PLEKHA7: variants seen among roughly 807,000 people sequenced by gnomAD.
PLEKHA7 encodes the protein pleckstrin homology domain containing A7.
PLEKHA7 carries 104 observed loss-of-function variants against 170.0 expected under a neutral mutation model. The observed-to-expected ratio is 0.61, with a 90% confidence interval of 0.52 to 0.72. The LOEUF is 0.72. PLEKHA7 is among the 30% of genes least tolerant of loss of function. The pLI is 0.00. For missense variants in PLEKHA7, 1,615 were observed against 1,671.7 expected (o/e 0.97, Z 0.59); for synonymous variants, 648 against 660.8 (o/e 0.98, Z 0.30).
intron 3 of PLEKHA7, among the ~76,000 whole-genome samples, chr11:16,997,170 C>T (rs1033785622): frequency 1.1e-4 from 16 of 152,100 alleles, no homozygotes; most frequent in Admixed American, 5.9e-4. Flanking sequence ...CTCCCATCAC[C>T]ACCCCTCTAA....
At chr11:16,814,362 G>C (rs985474684) in intron 12 of PLEKHA7, among the ~76,000 whole-genome samples, 1 of 152,138 alleles carries the variant, frequency 6.6e-6, no homozygotes, top group African/African-American at 2.4e-5. Flanking sequence ...ACAGAACAAG[G>C]AAGGAAGGTA....
chr11:16,893,020 G>A (rs943141844), intron 3 of PLEKHA7, among the ~76,000 whole-genome samples: 4 of 152,104 alleles, frequency 2.6e-5, no homozygotes, highest in African/African-American at 9.7e-5. Context: ...ATTCATGAGG[G>A]CTCGACCCTT....
At chr11:16,942,102 G>C (rs1860735775) in intron 3 of PLEKHA7, among the ~76,000 whole-genome samples, 1 of 152,176 alleles carries the variant, frequency 6.6e-6, no homozygotes. Context: ...GTTCTATGAA[G>C]CCCATTTTAC....
chr11:16,852,102 G>A (rs1853017485), intron 7 of PLEKHA7, among the ~76,000 whole-genome samples, 181 bp downstream of exon 7: 1 of 152,144 alleles, frequency 6.6e-6, no homozygotes, highest in African/African-American at 2.4e-5. Context: ...GTCCCAAATG[G>A]GACAGAAACG....
intron 3 of PLEKHA7, among the ~76,000 whole-genome samples, chr11:16,990,864 G>A (rs959151831): frequency 4.6e-5 from 7 of 152,200 alleles, no homozygotes; most frequent in African/African-American, 1.7e-4. Flanking sequence ...AGACCCTCAG[G>A]AGCATGGATG....
Position 16,789,445 on chromosome 11 carries a change from C to T in PLEKHA7, c.3157-149G>A. On this transcript the variant is annotated intron_variant, in intron 22 of 26. Coordinates refer to ENST00000531066, the MANE Select transcript of PLEKHA7 (RefSeq NM_001329630.2). This position sits in a 1 kb window ranked among gnomAD's most constrained non-coding sequence, Gnocchi z 4.6. ...TCCTCTTGGCCTTAGAGAACTATTT[C>T]CTCTAAGCAACACGATGCCCCCAAC... The T allele has an allele frequency of 1.4e-6, 1 of 735,396 alleles. No individual in the cohort carries two copies. The highest frequency in any genetic ancestry group is 2.7e-5 in the East Asian group (1 of 37,374). The allele number at this position is 735,396 out of a possible 1,614,324, so 45.6% of individuals were successfully genotyped here.
chr11:16,850,654 A>AG (rs2135407172), intron 8 of PLEKHA7, among the ~76,000 whole-genome samples: 1 of 152,354 alleles, frequency 6.6e-6, no homozygotes, highest in Admixed American at 6.5e-5. Context: ...ACACAGACCA[A>AG]GTAGGAAAGG....
chr11:16,883,182 T>C (rs1855837700), intron 3 of PLEKHA7, among the ~76,000 whole-genome samples: 1 of 152,188 alleles, frequency 6.6e-6, no homozygotes, highest in South Asian at 2.1e-4. Flanking sequence ...GGAGATACAC[T>C]GGCTTTGGAG....
At position 16,817,027 on chromosome 11, in the gene PLEKHA7, C is replaced by G. The variant is rs1255873135; in HGVS notation, c.1639G>C (p.Glu547Gln). The change falls in exon 11 of 27, where the codon GAG becomes CAG. Residue 547 changes from glutamate (E) to glutamine (Q), a missense_variant. By Grantham distance (29) the Glu-to-Gln change is conservative. Coordinates refer to ENST00000531066, the MANE Select transcript of PLEKHA7 (RefSeq NM_001329630.2). The surrounding 1 kb of genome is among the most constrained non-coding windows in gnomAD (Gnocchi z 4.4). ...PTAPICLGSP[E>Q]FTDQGRSRSM... The stretch of plus-strand genomic sequence containing the variant: ...CTGCTCCGGCCCTGGTCGGTGAACT[C>G]TGGGGAGCCAAGGCAGATGGGCGCT... The G allele has an allele frequency of 6.2e-7, 1 of 1,605,092 alleles. No homozygotes were observed. Among genetic ancestry groups the G allele is most frequent in the Non-Finnish European group, 8.5e-7 (1 of 1,174,716 alleles).
Position 16,935,755 on chromosome 11 carries a change from C to T in PLEKHA7, c.222-64573G>A, listed in dbSNP as rs547565614. On this transcript the variant is annotated intron_variant, in intron 3 of 26. Transcript: ENST00000531066. ...AATTATTCAGATCCCCATGTGCAAG[C>T]AGCACATGTTTTTGAGGCTCATTCT... Among the ~76,000 whole-genome samples, 20 of 152,324 alleles carry T rather than the reference C, an allele frequency of 1.3e-4. No homozygotes were observed. In the South Asian group the frequency reaches 4.1e-3, roughly 32 times the overall value.
chr11:16,986,603 C>T (rs1485264790), intron 3 of PLEKHA7, among the ~76,000 whole-genome samples: 1 of 152,188 alleles, frequency 6.6e-6, no homozygotes, highest in Non-Finnish European at 1.5e-5. Flanking sequence ...ATTTATTTCA[C>T]TTTCACTTTG....
intron 4 of PLEKHA7, among the ~76,000 whole-genome samples, chr11:16,869,076 T>G (rs1407719950): frequency 3.3e-5 from 5 of 152,224 alleles, no homozygotes; most frequent in African/African-American, 1.2e-4. Context: ...CAAGAGCTTC[T>G]GACCTTCAGG....
At chr11:16,807,396 G>A (rs1378742282) in intron 13 of PLEKHA7, among the ~76,000 whole-genome samples, 1 of 152,222 alleles carries the variant, frequency 6.6e-6, no homozygotes, top group Middle Eastern at 3.4e-3. Flanking sequence ...CCATGGGACC[G>A]TGGATGCTCC....
Position 16,887,982 on chromosome 11 carries a change from G to A in PLEKHA7, c.222-16800C>T, listed in dbSNP as rs561127882. On this transcript the variant is annotated intron_variant, in intron 3 of 26. Transcript: ENST00000531066. ...TGCCCGGCCGCCCATCGTCTGAGAT[G>A]TGGGGAGCACCTCTGCCCCGCCGCC... 2.0e-5 allele frequency among the ~76,000 whole-genome samples: 3 copies of A among 151,350 alleles called. No homozygotes were observed. The South Asian group carries it at 6.3e-4, about 32-fold the overall frequency.
At chr11:16,930,645 T>C (rs547405583) in intron 3 of PLEKHA7, among the ~76,000 whole-genome samples, 1 of 152,272 alleles carries the variant, frequency 6.6e-6, no homozygotes, top group South Asian at 2.1e-4. Flanking sequence ...TTAGGTTACA[T>C]TTTAAATCCA....
At chr11:16,793,495 T>C (rs1173284025) in intron 19 of PLEKHA7, among the ~76,000 whole-genome samples, 1 of 152,170 alleles carries the variant, frequency 6.6e-6, no homozygotes, top group Non-Finnish European at 1.5e-5. Flanking sequence ...GCAGAACTCA[T>C]GTGTTTTACC....
At chr11:16,852,635 G>A (rs1853073343) in intron 6 of PLEKHA7, among the ~76,000 whole-genome samples, 1 of 152,200 alleles carries the variant, frequency 6.6e-6, no homozygotes, top group South Asian at 2.1e-4. Context: ...ATTAAGAAAG[G>A]AATCAGTTCT....
chr11:16,873,445 C>T (rs1590414277), intron 3 of PLEKHA7, among the ~76,000 whole-genome samples: 1 of 152,110 alleles, frequency 6.6e-6, no homozygotes, highest in African/African-American at 2.4e-5. Context: ...ATACTGTCAC[C>T]CTTCCCAACC....
intron 3 of PLEKHA7, among the ~76,000 whole-genome samples, chr11:16,998,858 G>A (rs528960163): frequency 1.3e-5 from 2 of 150,778 alleles, no homozygotes; most frequent in Non-Finnish European, 2.9e-5. Context: ...AAAAAATCTT[G>A]CCAAACACTT....
Sources: gnomAD v4.1 joint callset for allele counts (sites outside exome capture counted in the v4.1 genomes callset) on GRCh38, gnomAD v4.1.1 for gene constraint, Gnocchi (gnomAD v3.1) non-coding constraint, MANE v1.5 for transcripts, NCBI Gene and HGNC (gene_info 2026-07-23, HGNC 2026-07-21) for gene names.